Variants in ARID2 observed in about 807,000 individuals in gnomAD.
ARID2 encodes AT-rich interaction domain 2.
Under a neutral mutation model 184.6 loss-of-function variants are expected in ARID2, and 32 were observed. That is an observed-to-expected ratio of 0.17 (90% CI 0.13 to 0.23). ARID2 has a LOEUF of 0.23. Ranked by LOEUF, ARID2 falls within the 10% of genes least tolerant of loss-of-function variation. ARID2 has a pLI of 1.00. For synonymous variants in ARID2, 836 were observed against 772.6 expected, an observed-to-expected ratio of 1.08 and a Z score of -1.36; for missense variants, 1,696 against 2,197.6, an observed-to-expected ratio of 0.77 and a Z score of 4.56.
chr12:45,866,724 C>T (rs1359220987), intron 16 of ARID2, among the ~76,000 whole-genome samples: 4 of 152,100 alleles, frequency 2.6e-5, no homozygotes, highest in South Asian at 2.1e-4. Context: ...TTTAGGTTTA[C>T]AACAAAATTG....
chr12:45,763,629 G>A (rs1434758646), intron 3 of ARID2, among the ~76,000 whole-genome samples: 1 of 151,676 alleles, frequency 6.6e-6, no homozygotes, highest in Non-Finnish European at 1.5e-5. Context: ...CTCCTGAATA[G>A]CTGGGACTAC....
rs1943538588 is a variant in ARID2 at position 45,850,999 on chromosome 12, C to G, written c.2876C>G (p.Thr959Arg). 1 of 1,614,058 alleles carries G rather than the reference C, an allele frequency of 6.2e-7. No individual in the cohort carries two copies. The highest frequency in any genetic ancestry group is 1.3e-5 in the African/African-American group (1 of 74,932). ...ANPAALPAGQTVQLTGQPNIT... is the reference protein window; with the variant it reads ...ANPAALPAGQRVQLTGQPNIT... Reference sequence around the variant, plus strand: ...CCAGCAGCTCTTCCAGCTGGTCAGACAGTTCAGCTAACTGGACAACCTAAC... The same window carrying G: ...CCAGCAGCTCTTCCAGCTGGTCAGAGAGTTCAGCTAACTGGACAACCTAAC... Residue 959 changes from threonine to arginine, a missense_variant, in exon 15 of 21, where the codon ACA (threonine) becomes AGA (arginine). Thr to Arg is a moderately conservative substitution (Grantham distance 71). Transcript: ENST00000334344.
rs1179885211 is a variant in ARID2 at position 45,851,240 on chromosome 12, A to C, written c.3117A>C (p.Gln1039His). ...QVQQPQQVQM[Q>H]VQPQQSNAGV... ...AGCAGCCCCAACAAGTACAGATGCA[A>C]GTTCAACCTCAACAGTCGAATGCAG... The change falls in exon 15 of 21, where the codon CAA becomes CAC. Residue 1039 changes from glutamine to histidine, a missense_variant. This residue lies in a region of ARID2 where 713 missense variants were observed against 824.4 expected (regional missense o/e 0.86). Coordinates refer to ENST00000334344, the MANE Select transcript of ARID2 (RefSeq NM_152641.4). 1 of 1,614,210 alleles carries C rather than the reference A, an allele frequency of 6.2e-7. No homozygotes were observed. The highest frequency in any genetic ancestry group is 1.7e-5 in the Admixed American group (1 of 60,020).
In ARID2 at chr12:45,738,702, CT is replaced by C. The variant is rs574690983; in HGVS notation, c.284+7395del. On this transcript the variant is annotated intron_variant, in intron 3 of 20. Coordinates refer to ENST00000334344, the MANE Select transcript of ARID2 (RefSeq NM_152641.4). ...ATAACAACTAGGAAAAATATTCTTT[CT>C]TTTTTTATGTATAAAAGCAAGGGAA... Among the ~76,000 whole-genome samples the C allele has an allele frequency of 4.6e-3, 605 of 132,350 alleles. 5 individuals carry two copies. The highest frequency in any genetic ancestry group is 0.016 in the African/African-American group (528 of 33,964). 86.8% of individuals were successfully genotyped at this position (132,350 alleles called of 152,430 possible).
rs1280616682 is a variant in ARID2 at position 45,729,808 on chromosome 12, G to A, written c.-29G>A. On this transcript the variant is annotated 5_prime_UTR_variant, in exon 1 of 21. Transcript: ENST00000334344. The stretch of plus-strand genomic sequence containing the variant: ...GGGCGCTTTTAAAACACCGATCTGG[G>A]TTTTTTAAAAACCTCCTTTGAAAAA... 8 of 1,581,542 alleles carry A rather than the reference G, an allele frequency of 5.1e-6. No individual in the cohort carries two copies. The highest frequency in any genetic ancestry group is 3.6e-5 in the Admixed American group (2 of 56,068).
At chr12:45,743,200 A>T (rs1165251099) in intron 3 of ARID2, among the ~76,000 whole-genome samples, 4 of 151,790 alleles carry the variant, frequency 2.6e-5, no homozygotes, top group African/African-American at 4.8e-5. Flanking sequence ...AAAAAAATAA[A>T]AAAAAAAAAC....
At chr12:45,813,433 C>T (rs139875619) in intron 4 of ARID2, among the ~76,000 whole-genome samples, 4 of 145,494 alleles carry the variant, frequency 2.7e-5, no homozygotes, top group Admixed American at 2.1e-4. Flanking sequence ...GAATAAGCTC[C>T]GTGTGTGTGT....
chr12:45,847,190 CT>C (rs1428380766), intron 12 of ARID2, among the ~76,000 whole-genome samples: 1 of 151,978 alleles, frequency 6.6e-6, no homozygotes, highest in African/African-American at 2.4e-5. Flanking sequence ...CACCATTTAA[CT>C]TTTTTCAGAG....
intron 16 of ARID2, among the ~76,000 whole-genome samples, chr12:45,863,467 T>G (rs1286290133): frequency 1.3e-5 from 2 of 152,158 alleles, no homozygotes; most frequent in Non-Finnish European, 2.9e-5. Context: ...GAGCCTGTAA[T>G]GCCAGCTACT....
chr12:45,783,691 G>A (rs1942140095), intron 3 of ARID2, among the ~76,000 whole-genome samples: 1 of 152,258 alleles, frequency 6.6e-6, no homozygotes, highest in African/African-American at 2.4e-5. Flanking sequence ...TGATCTGACA[G>A]GAGGTGGAGC....
intron 3 of ARID2, among the ~76,000 whole-genome samples, chr12:45,742,577 A>G (rs746415348): frequency 6.6e-6 from 1 of 152,194 alleles, no homozygotes; most frequent in Non-Finnish European, 1.5e-5. Context: ...TTCACTTCAT[A>G]TATCTTGAAA....
chr12:45,743,498 G>A (rs1019420715), intron 3 of ARID2, among the ~76,000 whole-genome samples: 1 of 152,208 alleles, frequency 6.6e-6, no homozygotes, highest in African/African-American at 2.4e-5. Flanking sequence ...AGCCTCCTGA[G>A]TAGCTGAGAC....
intron 15 of ARID2, among the ~76,000 whole-genome samples, chr12:45,853,847 C>T (rs1311776088): frequency 6.6e-6 from 1 of 152,124 alleles, no homozygotes; most frequent in African/African-American, 2.4e-5. Context: ...GGGCAATAGC[C>T]AAATGGAAAG....
At chr12:45,829,520 A>G (rs934932664) in intron 6 of ARID2, among the ~76,000 whole-genome samples, 6 of 151,900 alleles carry the variant, frequency 3.9e-5, no homozygotes, top group Admixed American at 6.6e-5. Context: ...AGTATAACAC[A>G]TCTTTAACTA....
chr12:45,850,148 T>A lies in ARID2; in HGVS notation c.2025T>A (p.His675Gln), dbSNP rs2138159377. The change falls in exon 15 of 21, where the codon CAT becomes CAA. Residue 675 changes from histidine to glutamine, a missense_variant. Coordinates refer to ENST00000334344, the MANE Select transcript of ARID2 (RefSeq NM_152641.4). ...TQMSFPVQGVHTVAQTVSRIP... is the reference protein window; with the variant it reads ...TQMSFPVQGVQTVAQTVSRIP... ...TGTCTTTTCCTGTACAAGGTGTTCA[T>A]ACTGTGGCACAAACTGTTTCAAGAA... The A allele has an allele frequency of 6.2e-7, 1 of 1,614,122 alleles. No individual in the cohort carries two copies. The highest frequency in any genetic ancestry group is 2.2e-5 in the East Asian group (1 of 44,876).
intron 16 of ARID2, among the ~76,000 whole-genome samples, chr12:45,868,981 A>G (rs1943873819): frequency 6.6e-6 from 1 of 151,310 alleles, no homozygotes; most frequent in African/African-American, 2.4e-5. Context: ...ATTTCTCGAG[A>G]TTGCCAAGAA....
chr12:45,866,251 C>T (rs543408043), intron 16 of ARID2, among the ~76,000 whole-genome samples: 3 of 152,140 alleles, frequency 2.0e-5, no homozygotes, highest in South Asian at 2.1e-4. Flanking sequence ...TTGTTATCTG[C>T]ATTGGTAAAT....
rs148349899 is a variant in ARID2 at position 45,783,166 on chromosome 12, T to C, written c.285-28252T>C. Among the ~76,000 whole-genome samples the C allele has an allele frequency of 2.7e-3, 407 of 151,884 alleles. 3 individuals carry two copies. The highest frequency in any genetic ancestry group is 8.0e-3 in the African/African-American group (330 of 41,390). ...AAAAGTGAAAAATGATTCTCATGAT[T>C]GAAAAAAAAATCCAAAGCTTAGAAA... On this transcript the variant is annotated intron_variant, in intron 3 of 20. Coordinates refer to ENST00000334344, the MANE Select transcript of ARID2 (RefSeq NM_152641.4).
chr12:45,767,776 AAAATC>A (rs1239267525), intron 3 of ARID2, among the ~76,000 whole-genome samples: 3 of 152,240 alleles, frequency 2.0e-5, no homozygotes, highest in Non-Finnish European at 4.4e-5. Context: ...TATGAGGAAA[AAAATC>A]TACTTCACAC....
Sources: allele counts gnomAD v4.1 joint callset (sites outside exome capture counted in the v4.1 genomes callset), GRCh38; gene constraint gnomAD v4.1.1; regional missense constraint gnomAD v4.1.1; transcripts MANE v1.5; gene names NCBI Gene and HGNC (gene_info 2026-07-23, HGNC 2026-07-21).